Variants in GALNT6 observed in about 807,000 individuals in gnomAD.
GALNT6 encodes the protein polypeptide N-acetylgalactosaminyltransferase 6.
In GALNT6, 51 loss-of-function variants were observed where a neutral mutation model predicts 65.9. The observed-to-expected ratio is 0.77, with a 90% CI of 0.62 to 0.98. The LOEUF is 0.98. GALNT6 is among the 50% of genes least tolerant of loss of function. The pLI is 0.00. For missense variants in GALNT6, 708 were observed against 803.3 expected (o/e 0.88, Z 1.43); for synonymous variants, 323 against 315.1 (o/e 1.02, Z -0.26).
At chr12:51,376,743 C>G (rs1279301542) in intron 4 of GALNT6, among the ~76,000 whole-genome samples, 1 of 151,866 alleles carries the variant, frequency 6.6e-6, no homozygotes, top group Non-Finnish European at 1.5e-5. Context: ...CAGAGCCAGG[C>G]ACACAGTACT....
At chr12:51,365,339 A>G in intron 5 of GALNT6, 91 bp downstream of exon 5, 1 of 1,250,232 alleles carries the variant, frequency 8.0e-7, no homozygotes, top group Non-Finnish European at 1.1e-6. Context: ...AAGAGAGAAC[A>G]GGAAGGGGCC....
Position 51,359,211 on chromosome 12 carries a change from C to A in GALNT6, c.1289G>T (p.Arg430Leu). 3.7e-6 allele frequency: 6 copies of A among 1,614,084 alleles called. No individual in the cohort carries two copies. Among genetic ancestry groups the A allele is most frequent in the Non-Finnish European group, 5.1e-6 (6 of 1,179,944 alleles). ...GCTGTCCATCCAGACCTCTGCCAGG[C>A]GCACTTGATTGCGAGCAATGACACT... ...GTSVIARNQV[R>L]LAEVWMDSYK... Residue 430 changes from arginine to leucine, a missense_variant, in exon 8 of 12, where the codon CGC becomes CTC. Coordinates refer to ENST00000356317, the MANE Select transcript of GALNT6 (RefSeq NM_007210.4).
At chr12:51,388,720 T>C (rs1754523178) in intron 2 of GALNT6, among the ~76,000 whole-genome samples, 2 of 152,172 alleles carry the variant, frequency 1.3e-5, no homozygotes, top group South Asian at 4.1e-4. Flanking sequence ...AATCCTTGAG[T>C]CTTGGTCCCC....
At position 51,358,242 on chromosome 12, in the gene GALNT6, G is replaced by A. The variant is rs759397938; in HGVS notation, c.1388C>T (p.Ser463Leu). 3.0e-5 allele frequency: 49 copies of A among 1,613,516 alleles called. No individual in the cohort carries two copies. Among genetic ancestry groups the A allele is most frequent in the Non-Finnish European group, 3.9e-5 (46 of 1,179,856 alleles). ...TTGTTCCCTCAGCTGCAGTCGTTCC[G>A]AAATGTCACCGAAGGATTTCTGTCA... The part of the protein sequence containing the change: ...MAQEKSFGDI[S>L]ERLQLREQLH... The change falls in exon 9 of 12, where the codon TCG becomes TTG. Residue 463 changes from serine (S) to leucine (L), a missense_variant. By Grantham distance (145) the Ser-to-Leu change is moderately radical. Transcript: ENST00000356317.
intron 2 of GALNT6, 25 bp downstream of exon 2, chr12:51,390,825 C>A (rs1197385912): frequency 6.6e-6 from 1 of 152,290 alleles, no homozygotes; most frequent in Admixed American, 6.5e-5. Context: ...CCTCCACCCC[C>A]ATACACAGAA....
chr12:51,358,301 GTTTTTT>G (rs5798170), intron 8 of GALNT6, 40 bp from the exon 9 acceptor site: 214 of 1,447,658 alleles, frequency 1.5e-4, no homozygotes, highest in Admixed American at 4.3e-4. Context: ...AGTTCCACCA[GTTTTTT>G]TTTTTTTTTT....
rs1040290420 is a variant in GALNT6 at position 51,379,884 on chromosome 12, C to T, written c.-103G>A. 10 of 1,219,100 alleles carry T rather than the reference C, an allele frequency of 8.2e-6. No individual in the cohort carries two copies. The highest frequency in any genetic ancestry group is 1.1e-5 in the Non-Finnish European group (10 of 895,026). The allele number at this position is 1,219,100 out of a possible 1,614,324, so 75.5% of individuals were successfully genotyped here. Reference sequence around the variant, plus strand: ...TGGTGGCCACAAGCTGGGGCCTCAGCCTGAGAAAGGAGGGGACAAGAGAGA... The same window carrying T: ...TGGTGGCCACAAGCTGGGGCCTCAGTCTGAGAAAGGAGGGGACAAGAGAGA... On this transcript the variant is annotated splice_region_variant and 5_prime_UTR_variant, in exon 3 of 12. Transcript: ENST00000356317.
intron 4 of GALNT6, among the ~76,000 whole-genome samples, chr12:51,370,227 A>C (rs563723976): frequency 1.3e-5 from 2 of 152,366 alleles, no homozygotes; most frequent in African/African-American, 2.4e-5. Flanking sequence ...GTATACATAC[A>C]ATAGAATAGT....
chr12:51,354,929 TTGAGCTCAGCATGG>T (rs71443219), intron 11 of GALNT6, among the ~76,000 whole-genome samples: 45,646 of 151,998 alleles, frequency 0.3, 7,499 homozygotes, highest in Middle Eastern at 0.39. Flanking sequence ...GGGTGCTGGC[TTGAGCTCAGCATGG>T]TGGCGGTTAC....
chr12:51,356,460 A>T, intron 10 of GALNT6, among the ~76,000 whole-genome samples: 1 of 147,808 alleles, frequency 6.8e-6, no homozygotes, highest in East Asian at 2.0e-4. Context: ...CGTTTGTTCA[A>T]GCGATCCTCC....
At chr12:51,380,159 A>G (rs1947617155) in intron 2 of GALNT6, among the ~76,000 whole-genome samples, 1 of 152,224 alleles carries the variant, frequency 6.6e-6, no homozygotes, top group African/African-American at 2.4e-5. Context: ...AGATTTAATC[A>G]TTATGGCTTT....
chr12:51,377,268 C>T lies in GALNT6; in HGVS notation c.591G>A (p.Val197=). 6.2e-7 allele frequency: 1 copy of T among 1,613,842 alleles called. No individual in the cohort carries two copies. The highest frequency in any genetic ancestry group is 8.5e-7 in the Non-Finnish European group (1 of 1,180,038). ...NEAWSTLLRT[V]YSVLHTTPAI... is the part of the protein sequence containing the mutation. ...CAGGGGTGGTGTGTAGGACGCTGTA[C>T]ACTGTTCGCAGCAGTGTGGACCAGG... Residue 197 remains valine, a synonymous_variant, in exon 4 of 12, where the codon GTG becomes GTA. Coordinates refer to ENST00000356317, the MANE Select transcript of GALNT6 (RefSeq NM_007210.4).
At chr12:51,371,517 A>G (rs1363763370) in intron 4 of GALNT6, among the ~76,000 whole-genome samples, 2 of 152,178 alleles carry the variant, frequency 1.3e-5, no homozygotes, top group Non-Finnish European at 2.9e-5. Flanking sequence ...GGGAGTACTA[A>G]GAGTAGTCTT....
At chr12:51,354,868 C>T (rs930958482) in intron 11 of GALNT6, among the ~76,000 whole-genome samples, 6 of 152,200 alleles carry the variant, frequency 3.9e-5, no homozygotes, top group African/African-American at 1.4e-4. Context: ...CTGCAGCCTC[C>T]AGGTTAGGTT....
chr12:51,355,304 C>G (rs1181830576), intron 11 of GALNT6, among the ~76,000 whole-genome samples: 1 of 152,102 alleles, frequency 6.6e-6, no homozygotes, highest in Non-Finnish European at 1.5e-5. Flanking sequence ...ACCTGTCACC[C>G]CATTTTTACA....
At chr12:51,370,190 C>A (rs561923104) in intron 4 of GALNT6, among the ~76,000 whole-genome samples, 149 of 152,308 alleles carry the variant, frequency 9.8e-4, no homozygotes, top group Non-Finnish European at 1.8e-3. Context: ...TGTCCATCAG[C>A]GAATGAACGG....
At chr12:51,372,375 AT>A (rs1405021073) in intron 4 of GALNT6, among the ~76,000 whole-genome samples, 1 of 151,974 alleles carries the variant, frequency 6.6e-6, no homozygotes, top group Non-Finnish European at 1.5e-5. Context: ...TGCCCAGCTA[AT>A]TTTTTATTTT....
chr12:51,366,645 G>A (rs991790682), intron 4 of GALNT6, among the ~76,000 whole-genome samples: 2 of 152,162 alleles, frequency 1.3e-5, no homozygotes, highest in Non-Finnish European at 2.9e-5. Flanking sequence ...TCCAGGGCAG[G>A]TGATCCATGA....
At chr12:51,364,400 G>T in intron 5 of GALNT6, 45 bp from the exon 6 acceptor site, 1 of 1,370,720 alleles carries the variant, frequency 7.3e-7, no homozygotes, top group Non-Finnish European at 1.0e-6. Flanking sequence ...CCTGCCCACA[G>T]CAGAGCCCAA....
Sources: allele counts gnomAD v4.1 joint callset (sites outside exome capture counted in the v4.1 genomes callset), GRCh38; gene constraint gnomAD v4.1.1; transcripts MANE v1.5; gene names NCBI Gene and HGNC (gene_info 2026-07-23, HGNC 2026-07-21).